MAFF: variants seen among roughly 807,000 people sequenced by gnomAD.
The protein encoded by MAFF is MAF bZIP transcription factor F.
MAFF carries 4 observed loss-of-function variants against 2.7 expected under a neutral mutation model. The ratio of observed to expected loss-of-function variants is 1.48; its 90% CI spans 0.73 to 3.39. MAFF has a LOEUF of 3.39. MAFF is among the 30% of genes most tolerant of loss of function. The pLI is 0.01. For synonymous variants in MAFF, 113 were observed against 119.4 expected, an observed-to-expected ratio of 0.95 and a Z score of 0.35; for missense variants, 190 against 246.6, an observed-to-expected ratio of 0.77 and a Z score of 1.54.
intron 1 of MAFF, among the ~76,000 whole-genome samples, chr22:38,211,116 C>T (rs1326096045): frequency 6.6e-6 from 1 of 151,956 alleles, no homozygotes; most frequent in Non-Finnish European, 1.5e-5. Flanking sequence ...GTGCAAAGGC[C>T]CTGGAGAGGA....
At chr22:38,211,061 AAAAAACAAAAAC>A (rs1020278757) in intron 1 of MAFF, among the ~76,000 whole-genome samples, 2 of 151,748 alleles carry the variant, frequency 1.3e-5, no homozygotes, top group East Asian at 1.9e-4. Flanking sequence ...GACCCTGTAT[AAAAAACAAAAAC>A]AAAAACAAAA....
In MAFF at chr22:38,214,865, C is replaced by A. The variant is rs1349963241; in HGVS notation, c.482C>A (p.Ala161Asp). 1.3e-6 allele frequency: 2 copies of A among 1,507,534 alleles called. No individual in the cohort carries two copies. Among genetic ancestry groups the A allele is most frequent in the Non-Finnish European group, 1.8e-6 (2 of 1,128,442 alleles). The allele number at this position is 1,507,534 out of a possible 1,614,324, so 93.4% of individuals were successfully genotyped here. A position where few individuals can be genotyped will look rare whatever the true frequency, so the allele number is the denominator to read the frequency against. Residue 161 changes from alanine to aspartate, a missense_variant, in exon 3 of 3, where the codon GCC becomes GAC. Ala to Asp is a moderately radical substitution (Grantham distance 126). Around this residue, in one of 2 missense-constraint regions of MAFF, gnomAD observed 103 missense variants for 103.0 expected, o/e 1.00. Transcript: ENST00000338483. This position sits in a 1 kb window ranked among gnomAD's most constrained non-coding sequence, Gnocchi z 6.3. Reference sequence around the variant, plus strand: ...GGCCCGGACCCCGCCCACGGCCCGGCCTCCTGCTCCTAGTGCCCGCCCCCG... The same window carrying A: ...GGCCCGGACCCCGCCCACGGCCCGGACTCCTGCTCCTAGTGCCCGCCCCCG... ...AHGPDPAHGP[A>D]SCS is the part of the protein sequence containing the mutation.
intron 1 of MAFF, among the ~76,000 whole-genome samples, chr22:38,213,139 TG>T (rs2146021995): frequency 7.1e-6 from 1 of 140,020 alleles, no homozygotes; most frequent in South Asian, 2.3e-4. Context: ...ATCGCGCCCC[TG>T]CACTCCAGCC....
chr22:38,212,983 G>A (rs1319539847), intron 1 of MAFF, among the ~76,000 whole-genome samples: 6 of 151,990 alleles, frequency 3.9e-5, no homozygotes, highest in East Asian at 1.9e-4. Context: ...CCAACATGGC[G>A]AAACCCTGTC....
chr22:38,203,977 G>C (rs2091033935), intron 1 of MAFF: 1 of 152,252 alleles, frequency 6.6e-6, no homozygotes, highest in Admixed American at 6.5e-5. Flanking sequence ...AGGAGCACAG[G>C]AACCAGACAG....
chr22:38,206,468 A>AGTAGCTGGGACTATAGGT (rs920634970), intron 1 of MAFF, among the ~76,000 whole-genome samples: 5 of 150,898 alleles, frequency 3.3e-5, no homozygotes, highest in African/African-American at 1.2e-4. Context: ...CAGCCTCCCA[A>AGTAGCTGGGACTATAGGT]GTAGCTGGGA....
intron 1 of MAFF, among the ~76,000 whole-genome samples, chr22:38,211,263 C>G (rs1040228605): frequency 4.0e-4 from 60 of 149,706 alleles, no homozygotes; most frequent in African/African-American, 1.4e-3. Context: ...GAGTCTCACT[C>G]TCGCCCAGGC....
rs558872109 is a variant in MAFF, at chr22:38,209,226, G to A, written c.-31-4597G>A. ...ACTACAGGTGCCTGCCACCACACCC[G>A]GCTAATTTTTTGTATTTTTTAGTAG... On this transcript the variant is annotated intron_variant, in intron 1 of 2. Transcript: ENST00000338483. Among the ~76,000 whole-genome samples, 484 of 151,872 alleles carry A rather than the reference G, an allele frequency of 3.2e-3. 1 individual carries two copies. Among genetic ancestry groups the A allele is most frequent in the African/African-American group, 0.011 (469 of 41,416 alleles).
intron 1 of MAFF, among the ~76,000 whole-genome samples, chr22:38,206,800 G>A (rs903286089): frequency 2.0e-5 from 3 of 152,216 alleles, no homozygotes. Flanking sequence ...AAGGGCAGTT[G>A]ATTAACTTGC....
At chr22:38,213,947 C>T in intron 2 of MAFF, 58 bp downstream of exon 2, 2 of 1,566,528 alleles carry the variant, frequency 1.3e-6, no homozygotes, top group South Asian at 2.2e-5. Context: ...CATGCAGAGC[C>T]TCCTCATCCC....
chr22:38,211,568 A>G (rs182656920), intron 1 of MAFF, among the ~76,000 whole-genome samples: 209 of 152,144 alleles, frequency 1.4e-3, no homozygotes, highest in African/African-American at 4.7e-3. Flanking sequence ...CATGGTGACA[A>G]CTCTGGCTTT....
At position 38,216,272 on chromosome 22, in the gene MAFF, G is replaced by A. The variant is rs1053194634; in HGVS notation, c.*1394G>A. ...TGCCTGTAGTCCCAGCTACTTGGGA[G>A]GCTGAGGCAGGAGGATCACTTAAGC... On this transcript the variant is annotated 3_prime_UTR_variant, in exon 3 of 3. Transcript: ENST00000338483. 2 of 155,240 alleles carry A rather than the reference G, an allele frequency of 1.3e-5. No individual in the cohort carries two copies. The highest frequency in any genetic ancestry group is 2.9e-5 in the Non-Finnish European group (2 of 68,088). 9.6% of individuals were successfully genotyped at this position (155,240 alleles called of 1,614,324 possible). A position where few individuals can be genotyped will look rare whatever the true frequency, so the allele number is the denominator to read the frequency against.
In MAFF at chr22:38,216,416, T is replaced by C. The variant is rs2091150911; in HGVS notation, c.*1538T>C. On this transcript the variant is annotated 3_prime_UTR_variant, in exon 3 of 3. Transcript: ENST00000338483. ...AATATTGCCCGGCTCCTAGAATTTA[T>C]TTATTTCCTGACTTACAGCAAGCGA... is the stretch of plus-strand genomic sequence containing the variant. 1.2e-5 allele frequency: 2 copies of C among 167,056 alleles called. No individual in the cohort carries two copies. Among genetic ancestry groups the C allele is most frequent in the South Asian group, 2.1e-4 (1 of 4,834 alleles). The allele number at this position is 167,056 out of a possible 1,614,324, so 10.3% of individuals were successfully genotyped here. A position where few individuals can be genotyped will look rare whatever the true frequency, so the allele number is the denominator to read the frequency against.
rs2091021781 is a variant in MAFF at position 38,202,544 on chromosome 22, C to T, written c.-32+332C>T. The T allele has an allele frequency of 1.3e-5, 2 of 151,816 alleles. No individual in the cohort carries two copies. Among genetic ancestry groups the T allele is most frequent in the Non-Finnish European group, 2.9e-5 (2 of 67,914 alleles). The allele number at this position is 151,816 out of a possible 1,614,324, so 9.4% of individuals were successfully genotyped here. A position where few individuals can be genotyped will look rare whatever the true frequency, so the allele number is the denominator to read the frequency against. On this transcript the variant is annotated intron_variant, in intron 1 of 2. Transcript: ENST00000338483. The surrounding 1 kb of genome is among the most constrained non-coding windows in gnomAD (Gnocchi z 7.4). ...GCGGGGGCGCTGTGCTCCTACGTGA[C>T]TCGGTGGGAACAGGCCCTGGCCCGG...
chr22:38,214,379 C>CGTCCCCA lies in MAFF; in HGVS notation c.37-34_37-28dup, dbSNP rs1486522433. ...ACACCGCGGGTGGAGCGGGGGGGCC[C>CGTCCCCA]GTCCCCAGTCCCCTGGACCTCAGTT... On this transcript the variant is annotated intron_variant, in intron 2 of 2. Transcript: ENST00000338483. The surrounding 1 kb of genome is among the most constrained non-coding windows in gnomAD (Gnocchi z 6.3). The CGTCCCCA allele has an allele frequency of 1.8e-5, 28 of 1,513,862 alleles. No individual in the cohort carries two copies. In the Admixed American group the frequency reaches 4.3e-4, roughly 23 times the overall value. 93.8% of individuals were successfully genotyped at this position (1,513,862 alleles called of 1,614,324 possible). A position where few individuals can be genotyped will look rare whatever the true frequency, so the allele number is the denominator to read the frequency against.
At chr22:38,211,141 T>TTGAGGAAGGGCGGGTGTGGC (rs1224513032) in intron 1 of MAFF, among the ~76,000 whole-genome samples, 1 of 151,794 alleles carries the variant, frequency 6.6e-6, no homozygotes, top group African/African-American at 2.4e-5. Flanking sequence ...GCATCCTGTG[T>TTGAGGAAGGGCGGGTGTGGC]TGAGGAAGGG....
rs1443316739 is a variant in MAFF at position 38,214,299 on chromosome 22, G to A, written c.37-121G>A. The A allele has an allele frequency of 3.1e-6, 3 of 966,504 alleles. No homozygotes were observed. Among genetic ancestry groups the A allele is most frequent in the Non-Finnish European group, 3.0e-6 (2 of 673,894 alleles). The allele number at this position is 966,504 out of a possible 1,614,324, so 59.9% of individuals were successfully genotyped here. ...CCTTCCCGGATTCCTGCTCCCCTTC[G>A]GGGTTTTGGATCAAGTCCACCCACC... is the stretch of plus-strand genomic sequence containing the variant. On this transcript the variant is annotated intron_variant, in intron 2 of 2. Transcript: ENST00000338483. This position sits in a 1 kb window ranked among gnomAD's most constrained non-coding sequence, Gnocchi z 6.3.
chr22:38,208,037 G>A (rs2091066854), intron 1 of MAFF, among the ~76,000 whole-genome samples: 1 of 152,210 alleles, frequency 6.6e-6, no homozygotes, highest in African/African-American at 2.4e-5. Context: ...TGGGTAAAGG[G>A]AGGAGGCAGG....
chr22:38,212,885 GC>G (rs2091111634), intron 1 of MAFF, among the ~76,000 whole-genome samples: 1 of 152,138 alleles, frequency 6.6e-6, no homozygotes, highest in Non-Finnish European at 1.5e-5. Flanking sequence ...TGAAAAATTG[GC>G]TGGGCACAGT....
Sources: allele counts gnomAD v4.1 joint callset (sites outside exome capture counted in the v4.1 genomes callset), GRCh38; gene constraint gnomAD v4.1.1; regional missense constraint gnomAD v4.1.1; non-coding constraint Gnocchi (gnomAD v3.1); transcripts MANE v1.5; gene names NCBI Gene and HGNC (gene_info 2026-07-23, HGNC 2026-07-21).